Variants in CCNB1IP1 observed in about 807,000 individuals in gnomAD.
CCNB1IP1 encodes cyclin B1 interacting protein 1.
A neutral mutation model predicts 25.6 loss-of-function variants in CCNB1IP1; 14 were observed. The observed-to-expected ratio is 0.55, with a 90% CI of 0.36 to 0.85. The LOEUF (loss-of-function observed/expected upper bound fraction) is 0.85, where lower values mean the gene tolerates loss of function less well. Ranked by LOEUF, CCNB1IP1 falls within the 40% of genes least tolerant of loss-of-function variation. The pLI is 0.01. For missense variants in CCNB1IP1, 278 were observed against 342.4 expected (o/e 0.81, Z 1.48); for synonymous variants, 119 against 116.1 (o/e 1.02, Z -0.16).
rs918839946 is a variant in CCNB1IP1 at position 20,312,400 on chromosome 14, G to A, written c.632-648C>T. Among the ~76,000 whole-genome samples, 4 of 149,500 alleles carry A rather than the reference G, an allele frequency of 2.7e-5. No homozygotes were observed. The South Asian group carries it at 8.5e-4, about 32-fold the overall frequency. ...CTGCCCCCCACCTTTTTTTTTTGTA[G>A]AGACAGGGTCTCACTATATTGCCCA... On this transcript the variant is annotated intron_variant, in intron 6 of 6. Transcript: ENST00000358932.
chr14:20,318,192 G>A (rs561696026), intron 4 of CCNB1IP1: 1 of 152,396 alleles, frequency 6.6e-6, no homozygotes, highest in African/African-American at 2.4e-5. Context: ...AGCGATAGTG[G>A]GCCGGGCGCG....
chr14:20,315,562 C>T (rs1012593166), intron 5 of CCNB1IP1: 3 of 1,265,616 alleles, frequency 2.4e-6, no homozygotes, highest in African/African-American at 1.5e-5. Context: ...TAAGATATAA[C>T]AATACATTCA....
At chr14:20,323,519 T>C (rs888778364) in intron 4 of CCNB1IP1, among the ~76,000 whole-genome samples, 3 of 151,340 alleles carry the variant, frequency 2.0e-5, no homozygotes, top group Non-Finnish European at 2.9e-5. Flanking sequence ...AGGGCTGCAG[T>C]GAGCCCTGAT....
intron 1 of CCNB1IP1, among the ~76,000 whole-genome samples, chr14:20,331,351 T>C (rs1174708548): frequency 6.6e-6 from 1 of 152,186 alleles, no homozygotes; most frequent in Non-Finnish European, 1.5e-5. Flanking sequence ...CAAACCAAAG[T>C]GGGCAAAGAT....
At chr14:20,320,228 G>T in intron 4 of CCNB1IP1, 1 of 428,462 alleles carries the variant, frequency 2.3e-6, no homozygotes, top group Non-Finnish European at 4.7e-6. Flanking sequence ...CTAAAGTTTT[G>T]CTTTTCATAT....
intron 4 of CCNB1IP1, chr14:20,319,173 T>C (rs986693218): frequency 7.2e-5 from 11 of 152,242 alleles, no homozygotes; most frequent in Admixed American, 7.2e-4. Flanking sequence ...CCCTGAGTAG[T>C]GCCAAACCAT....
intron 2 of CCNB1IP1, among the ~76,000 whole-genome samples, chr14:20,328,474 T>A (rs921051176): frequency 2.6e-5 from 4 of 152,178 alleles, no homozygotes; most frequent in Non-Finnish European, 5.9e-5. Flanking sequence ...GATGCAAGGT[T>A]AACTAAGAGA....
chr14:20,320,531 T>G, intron 4 of CCNB1IP1: 2 of 323,890 alleles, frequency 6.2e-6, no homozygotes, highest in Non-Finnish European at 1.2e-5. Context: ...ACAAAACTAC[T>G]CAGAATAACA....
chr14:20,315,892 T>G (rs1882674728), intron 5 of CCNB1IP1: 1 of 498,536 alleles, frequency 2.0e-6, no homozygotes, highest in Non-Finnish European at 3.5e-6. Flanking sequence ...GGAAGAAAAA[T>G]TCATACCAGA....
rs1178382861 is a variant in CCNB1IP1 at position 20,311,459 on chromosome 14, A to C, written c.*91T>G. 2 of 1,063,178 alleles carry C rather than the reference A, an allele frequency of 1.9e-6. No homozygotes were observed. Among genetic ancestry groups the C allele is most frequent in the Non-Finnish European group, 2.9e-6 (2 of 689,828 alleles). 65.9% of individuals were successfully genotyped at this position (1,063,178 alleles called of 1,614,324 possible). A position where few individuals can be genotyped will look rare whatever the true frequency, so the allele number is the denominator to read the frequency against. On this transcript the variant is annotated 3_prime_UTR_variant, in exon 7 of 7. Transcript: ENST00000358932. ...GAGTGCAGTGGCATGATCTTAGATC[A>C]CTAAAGCCTCAGACTCCTGGGCTCA...
In CCNB1IP1 at chr14:20,311,579, T is replaced by C; in HGVS notation, c.805A>G (p.Ser269Gly). The change falls in exon 7 of 7, where the codon AGC becomes GGC. Residue 269 changes from serine (S) to glycine (G), a missense_variant. Physicochemically the swap from Ser to Gly is moderately conservative, Grantham distance 56. Transcript: ENST00000358932. Reference sequence around the variant, plus strand: ...ATTCTTTTTACTTTGAAGGCCCTGCTAGAAACTTGCTGCTGCTCTAATTCA... The same window carrying C: ...ATTCTTTTTACTTTGAAGGCCCTGCCAGAAACTTGCTGCTGCTCTAATTCA... Reference protein sequence around the residue: ...SRELEQQQVSSRAFKVKRI With the variant: ...SRELEQQQVSGRAFKVKRI The C allele has an allele frequency of 6.2e-7, 1 of 1,613,848 alleles. No homozygotes were observed. Among genetic ancestry groups the C allele is most frequent in the Non-Finnish European group, 8.5e-7 (1 of 1,179,992 alleles).
chr14:20,315,414 A>C (rs1882658860), intron 5 of CCNB1IP1: 3 of 917,896 alleles, frequency 3.3e-6, no homozygotes, highest in Non-Finnish European at 4.0e-6. Context: ...CACATAAGCC[A>C]GCAAAAACAC....
chr14:20,316,518 A>T lies in CCNB1IP1; in HGVS notation c.6T>A (p.Ser2=). 6.2e-7 allele frequency: 1 copy of T among 1,605,038 alleles called. No homozygotes were observed. The highest frequency in any genetic ancestry group is 1.7e-4 in the Middle Eastern group (1 of 6,044). The part of the protein sequence containing the change: M[S]LCEDMLLCNY... ...TACAAAGCAGCATGTCTTCACACAA[A>T]GACATAATAGGATAGTGAGGTCTCC... is the stretch of plus-strand genomic sequence containing the variant. Residue 2 remains serine, a synonymous_variant, in exon 5 of 7, where the codon TCT becomes TCA. Transcript: ENST00000358932.
In CCNB1IP1 at chr14:20,316,416, A is replaced by G. The variant is rs780820004; in HGVS notation, c.108T>C (p.His36=). ...GTGAGCGACTAAACTCACCACTGCC[A>G]TGCTGATCACAGAAGATGTGAGAGC... ...TACSHIFCDQ[H]GSGEFSRSPA... The change falls in exon 5 of 7, where the codon CAT becomes CAC. Residue 36 remains histidine, a synonymous_variant. Coordinates refer to ENST00000358932, the MANE Select transcript of CCNB1IP1 (RefSeq NM_021178.5). 1 of 1,613,942 alleles carries G rather than the reference A, an allele frequency of 6.2e-7. No homozygotes were observed. Among genetic ancestry groups the G allele is most frequent in the African/African-American group, 1.3e-5 (1 of 74,932 alleles).
At chr14:20,314,041 C>T (rs1000662257) in intron 5 of CCNB1IP1, among the ~76,000 whole-genome samples, 3 of 152,308 alleles carry the variant, frequency 2.0e-5, no homozygotes, top group African/African-American at 7.2e-5. Flanking sequence ...CTTTATACCA[C>T]CAAAAGAACT....
chr14:20,320,285 T>C (rs1381338139), intron 4 of CCNB1IP1: 3 of 455,484 alleles, frequency 6.6e-6, no homozygotes, highest in Admixed American at 2.4e-5. Flanking sequence ...CTGAATAACT[T>C]ACAATAAGAG....
intron 4 of CCNB1IP1, among the ~76,000 whole-genome samples, chr14:20,324,483 G>A (rs1005982402): frequency 1.3e-5 from 2 of 152,144 alleles, no homozygotes; most frequent in African/African-American, 4.8e-5. Context: ...ACCACGTCAG[G>A]CCAAAACAAA....
chr14:20,317,535 T>G (rs1276211023), intron 4 of CCNB1IP1: 1 of 152,264 alleles, frequency 6.6e-6, no homozygotes, highest in African/African-American at 2.4e-5. Context: ...TTAAGAGGCC[T>G]ATTTTACATC....
At chr14:20,320,966 C>T (rs1882875604) in intron 4 of CCNB1IP1, among the ~76,000 whole-genome samples, 1 of 151,258 alleles carries the variant, frequency 6.6e-6, no homozygotes. Flanking sequence ...GGAGAAACCC[C>T]ATCTCTACTA....
Sources: gnomAD v4.1 joint callset for allele counts (sites outside exome capture counted in the v4.1 genomes callset) on GRCh38, gnomAD v4.1.1 for gene constraint, MANE v1.5 for transcripts, NCBI Gene and HGNC (gene_info 2026-07-23, HGNC 2026-07-21) for gene names.